Variants in AURKA observed in about 807,000 individuals in gnomAD.
AURKA encodes aurora 2.
In AURKA, 12 loss-of-function variants were observed where a neutral mutation model predicts 40.9. That is an observed-to-expected ratio of 0.29 (90% CI 0.19 to 0.48). The LOEUF is 0.48. Ranked by LOEUF, AURKA falls within the 20% of genes least tolerant of loss-of-function variation. The pLI, the probability that AURKA is intolerant of heterozygous loss-of-function variation, is 0.99. For synonymous variants in AURKA, 170 were observed against 164.3 expected (o/e 1.03, Z -0.26); for missense variants, 322 against 462.1 (o/e 0.70, Z 2.78).
intron 1 of AURKA, among the ~76,000 whole-genome samples, chr20:56,390,103 G>A (rs916099643): frequency 6.6e-6 from 1 of 152,064 alleles, no homozygotes; most frequent in African/African-American, 2.4e-5. Context: ...CTCCTAACCT[G>A]CATAGACAGG....
chr20:56,384,101 C>T (rs778807533), intron 4 of AURKA, among the ~76,000 whole-genome samples, 169 bp downstream of exon 4: 1 of 152,146 alleles, frequency 6.6e-6, no homozygotes, highest in Non-Finnish European at 1.5e-5. Flanking sequence ...TAAAATACCT[C>T]ATTACACAAA....
Position 56,373,577 on chromosome 20 carries a change from G to C in AURKA, c.706-21C>G, listed in dbSNP as rs773956789. 64 of 1,611,620 alleles carry C rather than the reference G, an allele frequency of 4.0e-5. No individual in the cohort carries two copies. Among genetic ancestry groups the C allele is most frequent in the Non-Finnish European group, 5.4e-5 (64 of 1,177,830 alleles). On this transcript the variant is annotated intron_variant, in intron 6 of 8. Coordinates refer to ENST00000395915, the MANE Select transcript of AURKA (RefSeq NM_198437.3). The surrounding 1 kb of genome is among the most constrained non-coding windows in gnomAD (Gnocchi z 5.0). ...ATATACTGTTAAAACAATATTGAAAGCCTATGTTTTAGATTTTATATAACA... is the reference window on the plus strand; with the variant it reads ...ATATACTGTTAAAACAATATTGAAACCCTATGTTTTAGATTTTATATAACA...
At position 56,388,501 on chromosome 20, in the gene AURKA, T is replaced by C. The variant is rs1201023801; in HGVS notation, c.-5-299A>G. Reference sequence around the variant, plus strand: ...TCCATCCCTGTGCAGCCTACTGGCATACCTGCTACCTTAAAAAAGTCCTCT... The same window carrying C: ...TCCATCCCTGTGCAGCCTACTGGCACACCTGCTACCTTAAAAAAGTCCTCT... On this transcript the variant is annotated intron_variant, in intron 1 of 8. Transcript: ENST00000395915. The C allele has an allele frequency of 9.7e-5, 41 of 424,366 alleles. No homozygotes were observed. The Middle Eastern group carries it at 2.0e-3, about 21-fold the overall frequency. The allele number at this position is 424,366 out of a possible 1,614,324, so 26.3% of individuals were successfully genotyped here. A position where few individuals can be genotyped will look rare whatever the true frequency, so the allele number is the denominator to read the frequency against.
intron 1 of AURKA, among the ~76,000 whole-genome samples, chr20:56,389,906 G>C (rs1156844525): frequency 6.6e-6 from 1 of 152,100 alleles, no homozygotes; most frequent in Non-Finnish European, 1.5e-5. Context: ...CTACCACCTG[G>C]TCAAACCATT....
At chr20:56,381,405 T>C (rs1569070210) in intron 6 of AURKA, 28 bp downstream of exon 6, 1 of 1,611,308 alleles carries the variant, frequency 6.2e-7, no homozygotes, top group Admixed American at 1.7e-5. Context: ...GGAAACACAA[T>C]TAGCCTGGAC....
At chr20:56,377,189 A>C (rs1000100584) in intron 6 of AURKA, among the ~76,000 whole-genome samples, 1 of 152,116 alleles carries the variant, frequency 6.6e-6, no homozygotes, top group Admixed American at 6.5e-5. Flanking sequence ...ACTCAGGAGG[A>C]TCACTTGAGC....
intron 3 of AURKA, 121 bp from the exon 4 acceptor site, chr20:56,384,445 A>G (rs1986110925): frequency 5.2e-6 from 4 of 772,502 alleles, no homozygotes; most frequent in Non-Finnish European, 8.4e-6. Flanking sequence ...AGAATGATAA[A>G]TCTGTTTTTT....
intron 6 of AURKA, among the ~76,000 whole-genome samples, chr20:56,380,256 G>A (rs1985526764): frequency 6.6e-6 from 1 of 151,250 alleles, no homozygotes; most frequent in Non-Finnish European, 1.5e-5. Flanking sequence ...TTGGGAGGCT[G>A]AGGCAGAAGA....
chr20:56,377,717 G>A (rs551974011), intron 6 of AURKA, among the ~76,000 whole-genome samples: 13 of 152,202 alleles, frequency 8.5e-5, no homozygotes, highest in Admixed American at 4.6e-4. Flanking sequence ...AACCCAAGAG[G>A]CGGAGGTTGC....
intron 7 of AURKA, among the ~76,000 whole-genome samples, chr20:56,371,200 T>A (rs144558931): frequency 2.2e-4 from 34 of 152,212 alleles, no homozygotes; most frequent in South Asian, 4.2e-4. Flanking sequence ...CAGTGGCTCA[T>A]GCCTGTAATG....
chr20:56,386,468 T>C lies in AURKA; in HGVS notation c.108A>G (p.Pro36=), dbSNP rs775514322. The C allele has an allele frequency of 2.5e-6, 4 of 1,614,082 alleles. No homozygotes were observed. Among genetic ancestry groups the C allele is most frequent in the African/African-American group, 1.3e-5 (1 of 74,930 alleles). ...GAGCCTGGCCACTATTTACAGGTAA[T>C]GGATTCTGACAAGGAAATTGCTGAG... is the stretch of plus-strand genomic sequence containing the variant. ...LVTQQFPCQN[P]LPVNSGQAQR... Residue 36 remains proline, a synonymous_variant, in exon 3 of 9, where the codon CCA becomes CCG. Transcript: ENST00000395915.
At chr20:56,381,040 C>T (rs1224477770) in intron 6 of AURKA, among the ~76,000 whole-genome samples, 4 of 151,778 alleles carry the variant, frequency 2.6e-5, no homozygotes, top group Non-Finnish European at 5.9e-5. Flanking sequence ...CCCAGCTACT[C>T]GGGAGGCTGA....
chr20:56,386,236 G>A (rs752590905), intron 3 of AURKA, 21 bp downstream of exon 3: 1 of 1,613,968 alleles, frequency 6.2e-7, no homozygotes, highest in Admixed American at 1.7e-5. Context: ...ACTATCCAAT[G>A]AGTCTCAAAA....
At chr20:56,382,341 T>C (rs1985825704) in intron 5 of AURKA, among the ~76,000 whole-genome samples, 1 of 152,130 alleles carries the variant, frequency 6.6e-6, no homozygotes, top group African/African-American at 2.4e-5. Flanking sequence ...CCATGTGAGA[T>C]GCCTGCCCCT....
intron 6 of AURKA, among the ~76,000 whole-genome samples, chr20:56,377,016 G>C (rs1304045157): frequency 1.3e-5 from 2 of 152,136 alleles, no homozygotes; most frequent in African/African-American, 4.8e-5. Context: ...GGAGGTAGAA[G>C]TTGCAGTGAG....
At chr20:56,372,980 TC>T (rs1663273498) in intron 7 of AURKA, among the ~76,000 whole-genome samples, 1 of 152,202 alleles carries the variant, frequency 6.6e-6, no homozygotes, top group East Asian at 1.9e-4. Flanking sequence ...TGTTTCAAGT[TC>T]CCTGATATGG....
At chr20:56,377,332 C>T (rs182026208) in intron 6 of AURKA, among the ~76,000 whole-genome samples, 15 of 151,978 alleles carry the variant, frequency 9.9e-5, no homozygotes, top group African/African-American at 3.6e-4. Context: ...AACAAAAATA[C>T]AAGGCACGGA....
chr20:56,373,624 T>G lies in AURKA; in HGVS notation c.706-68A>C. The G allele has an allele frequency of 1.3e-5, 20 of 1,555,782 alleles. No homozygotes were observed. Among genetic ancestry groups the G allele is most frequent in the South Asian group, 2.2e-5 (2 of 89,252 alleles). On this transcript the variant is annotated intron_variant, in intron 6 of 8. Transcript: ENST00000395915. The surrounding 1 kb of genome is among the most constrained non-coding windows in gnomAD (Gnocchi z 5.0). Reference sequence around the variant, plus strand: ...AACACAAGTTAATATTAGACATCTCTTCCGAAAGGAACACAACATAGATTT... The same window carrying G: ...AACACAAGTTAATATTAGACATCTCGTCCGAAAGGAACACAACATAGATTT...
At chr20:56,391,684 G>T (rs1428007337) in intron 1 of AURKA, among the ~76,000 whole-genome samples, 1 of 152,038 alleles carries the variant, frequency 6.6e-6, no homozygotes, top group East Asian at 1.9e-4. Context: ...ATCCAGCCAG[G>T]ACAAGGGCCT....
Sources: gnomAD v4.1 joint callset for allele counts (sites outside exome capture counted in the v4.1 genomes callset) on GRCh38, gnomAD v4.1.1 for gene constraint, Gnocchi (gnomAD v3.1) non-coding constraint, MANE v1.5 for transcripts, NCBI Gene and HGNC (gene_info 2026-07-23, HGNC 2026-07-21) for gene names.